The following USP40 variants were observed in gnomAD, a reference collection of about 807,000 sequenced individuals.
USP40 encodes ubiquitin carboxyl-terminal hydrolase 40.
Under a neutral mutation model 166.2 loss-of-function variants are expected in USP40, and 143 were observed. That is an observed-to-expected ratio of 0.86 (90% CI 0.75 to 0.99). The LOEUF (loss-of-function observed/expected upper bound fraction) is 0.99, where lower values mean the gene tolerates loss of function less well. Among genes scored for constraint, USP40 ranks in the 50% least tolerant of loss-of-function variants. The pLI, the probability that USP40 is intolerant of heterozygous loss-of-function variation, is 0.00. For synonymous variants in USP40, 498 were observed against 524.0 expected (o/e 0.95, Z 0.68); for missense variants, 1,444 against 1,479.7 (o/e 0.98, Z 0.40).
At chr2:233,548,696 T>A (rs1165792655) in intron 8 of USP40, among the ~76,000 whole-genome samples, 1 of 152,146 alleles carries the variant, frequency 6.6e-6, no homozygotes, top group African/African-American at 2.4e-5. Flanking sequence ...TAATCAATGC[T>A]CACGTAAGAT....
At chr2:233,518,284 T>C (rs1286907881) in intron 18 of USP40, among the ~76,000 whole-genome samples, 1 of 102,376 alleles carries the variant, frequency 9.8e-6, no homozygotes. Context: ...AAAAAAAAGA[T>C]GGCTGGGCTC....
intron 2 of USP40, among the ~76,000 whole-genome samples, chr2:233,563,373 T>C (rs947865732): frequency 6.6e-6 from 1 of 152,158 alleles, no homozygotes; most frequent in Non-Finnish European, 1.5e-5. Context: ...CAATGGGGCA[T>C]ACCTGAATCT....
intron 10 of USP40, among the ~76,000 whole-genome samples, chr2:233,538,522 C>T (rs1268695411): frequency 3.3e-5 from 5 of 152,252 alleles, no homozygotes; most frequent in South Asian, 2.1e-4. Flanking sequence ...AGTCACTAAA[C>T]GGATAATAAG....
intron 31 of USP40, among the ~76,000 whole-genome samples, chr2:233,479,070 G>C (rs531284037): frequency 6.6e-6 from 1 of 152,364 alleles, no homozygotes; most frequent in East Asian, 1.9e-4. Flanking sequence ...CAAACAGCAC[G>C]TGTGAGGCTT....
At chr2:233,550,067 C>T (rs1448705676) in intron 7 of USP40, among the ~76,000 whole-genome samples, 1 of 152,116 alleles carries the variant, frequency 6.6e-6, no homozygotes, top group Non-Finnish European at 1.5e-5. Context: ...TCTCTTCTGG[C>T]TTTGACGTCT....
At chr2:233,519,295 T>C (rs2067484551) in intron 18 of USP40, 1 of 194,972 alleles carries the variant, frequency 5.1e-6, no homozygotes, top group Non-Finnish European at 1.0e-5. Flanking sequence ...GGTAAGTGAA[T>C]AGTGAGTTTG....
intron 18 of USP40, among the ~76,000 whole-genome samples, chr2:233,517,680 C>A (rs2067324207): frequency 6.6e-6 from 1 of 152,020 alleles, no homozygotes. Context: ...AGCCACTGTG[C>A]CCGGCCTGCA....
intron 7 of USP40, 90 bp downstream of exon 7, chr2:233,551,286 T>G (rs950621087): frequency 1.5e-6 from 2 of 1,357,158 alleles, no homozygotes; most frequent in Non-Finnish European, 2.0e-6. Context: ...GTTTAGAGAT[T>G]CTCACAATAA....
At chr2:233,501,774 T>C (rs946501154) in intron 21 of USP40, among the ~76,000 whole-genome samples, 3 of 152,236 alleles carry the variant, frequency 2.0e-5, no homozygotes, top group African/African-American at 7.2e-5. Flanking sequence ...GGGTTATGTT[T>C]CAGGGAGAAT....
At chr2:233,560,065 C>G (rs2071436805) in intron 3 of USP40, 141 bp from the exon 4 acceptor site, 1 of 542,432 alleles carries the variant, frequency 1.8e-6, no homozygotes, top group Non-Finnish European at 3.2e-6. Context: ...AAGGGAAAAA[C>G]TAATTATGAT....
intron 11 of USP40, among the ~76,000 whole-genome samples, chr2:233,532,304 T>C (rs2068599849): frequency 6.6e-6 from 1 of 152,204 alleles, no homozygotes; most frequent in Admixed American, 6.5e-5. Flanking sequence ...AACTTCAACC[T>C]AGCCTCTGAT....
At chr2:233,537,347 T>C (rs2069013025) in intron 10 of USP40, among the ~76,000 whole-genome samples, 1 of 152,016 alleles carries the variant, frequency 6.6e-6, no homozygotes, top group South Asian at 2.1e-4. Flanking sequence ...TATGGAAGGA[T>C]ATAGTTAGAC....
intron 26 of USP40, chr2:233,489,832 A>G: frequency 5.3e-6 from 1 of 187,326 alleles, no homozygotes; most frequent in South Asian, 1.0e-4. Context: ...CCGCTCTAAC[A>G]GTACAACAAG....
At chr2:233,494,954 A>G (rs868809750) in intron 24 of USP40, among the ~76,000 whole-genome samples, 3 of 26,996 alleles carry the variant, frequency 1.1e-4, no homozygotes, top group African/African-American at 5.3e-4. Flanking sequence ...ATATATATAT[A>G]TTTATATATA....
At chr2:233,515,072 T>C (rs1446222459) in intron 18 of USP40, among the ~76,000 whole-genome samples, 4 of 152,256 alleles carry the variant, frequency 2.6e-5, no homozygotes, top group East Asian at 3.8e-4. Flanking sequence ...ATGTGTTGTA[T>C]GTGGTGGAAC....
intron 6 of USP40, among the ~76,000 whole-genome samples, chr2:233,552,557 T>C (rs1279934480): frequency 6.6e-6 from 1 of 152,226 alleles, no homozygotes; most frequent in African/African-American, 2.4e-5. Flanking sequence ...ACATGAAGTC[T>C]AACCAAAAGC....
intron 17 of USP40, 41 bp downstream of exon 17, chr2:233,520,950 C>A: frequency 6.3e-7 from 1 of 1,582,244 alleles, no homozygotes; most frequent in South Asian, 1.2e-5. Flanking sequence ...ATTCTGTTAA[C>A]TGAAAATCTA....
At position 233,485,630 on chromosome 2, in the gene USP40, T is replaced by C. The variant is rs780132016; in HGVS notation, c.3409-4A>G. The C allele has an allele frequency of 1.9e-6, 3 of 1,612,156 alleles. No homozygotes were observed. The East Asian group carries it at 6.7e-5, about 36-fold the overall frequency. On this transcript the variant is annotated splice_polypyrimidine_tract_variant and splice_region_variant and intron_variant, in intron 29 of 31. Coordinates refer to ENST00000678225, the MANE Select transcript of USP40 (RefSeq NM_001365479.2). Reference sequence around the variant, plus strand: ...TCCTCTTGGTTATTTGTTGGTTCTATGGGAAAATCAAACATCTTAAATAAG... The same window carrying C: ...TCCTCTTGGTTATTTGTTGGTTCTACGGGAAAATCAAACATCTTAAATAAG...
chr2:233,477,507 C>T lies in USP40; in HGVS notation c.3600-4G>A. 6.2e-7 allele frequency: 1 copy of T among 1,611,458 alleles called. No homozygotes were observed. ...CTGCTCATGGAGGGCTTCTTGGCTGCAGAGACACAGACACTGTCATTGACT... is the reference window on the plus strand; with the variant it reads ...CTGCTCATGGAGGGCTTCTTGGCTGTAGAGACACAGACACTGTCATTGACT... On this transcript the variant is annotated splice_region_variant and splice_polypyrimidine_tract_variant and intron_variant, in intron 31 of 31. Transcript: ENST00000678225.
Sources: allele counts gnomAD v4.1 joint callset (sites outside exome capture counted in the v4.1 genomes callset), GRCh38; gene constraint gnomAD v4.1.1; transcripts MANE v1.5; gene names NCBI Gene and HGNC (gene_info 2026-07-23, HGNC 2026-07-21).